RNF13: variants seen among roughly 807,000 people sequenced by gnomAD.
The protein encoded by RNF13 is E3 ubiquitin-protein ligase RNF13.
In RNF13, 19 loss-of-function variants were observed where a neutral mutation model predicts 37.7. The ratio of observed to expected loss-of-function variants is 0.50; its 90% CI spans 0.35 to 0.74. RNF13 has a LOEUF of 0.74. RNF13 is among the 30% of genes least tolerant of loss of function. RNF13 has a pLI of 0.01. For synonymous variants in RNF13, 144 were observed against 157.8 expected, an observed-to-expected ratio of 0.91 and a Z score of 0.65; for missense variants, 375 against 453.0, an observed-to-expected ratio of 0.83 and a Z score of 1.56.
intron 3 of RNF13, among the ~76,000 whole-genome samples, chr3:149,869,826 TTAC>T (rs1711806606): frequency 6.6e-6 from 1 of 151,918 alleles, no homozygotes; most frequent in Admixed American, 6.5e-5. Context: ...TACTGCTAGG[TTAC>T]TGCCTCCTTT....
chr3:149,895,985 G>A (rs1376508239), intron 5 of RNF13, among the ~76,000 whole-genome samples: 1 of 152,148 alleles, frequency 6.6e-6, no homozygotes, highest in African/African-American at 2.4e-5. Flanking sequence ...TTGGTTATTA[G>A]CCCTTCGTCA....
intron 3 of RNF13, among the ~76,000 whole-genome samples, chr3:149,861,226 G>C (rs921908581): frequency 2.0e-5 from 3 of 151,806 alleles, no homozygotes; most frequent in African/African-American, 7.3e-5. Flanking sequence ...AACTTAAAAG[G>C]GGGTGGGGGA....
At chr3:149,868,485 G>C (rs917503426) in intron 3 of RNF13, among the ~76,000 whole-genome samples, 1 of 151,358 alleles carries the variant, frequency 6.6e-6, no homozygotes, top group Non-Finnish European at 1.5e-5. Flanking sequence ...TGGTATTCTT[G>C]GATGATAGGT....
intron 1 of RNF13, among the ~76,000 whole-genome samples, chr3:149,817,767 T>A (rs867254484): frequency 1.3e-5 from 2 of 152,136 alleles, no homozygotes; most frequent in South Asian, 4.1e-4. Flanking sequence ...AGTTAATATA[T>A]GAAAAGGGTC....
At chr3:149,938,900 C>T (rs1719975225) in intron 8 of RNF13, 3 of 354,074 alleles carry the variant, frequency 8.5e-6, no homozygotes, top group Non-Finnish European at 1.6e-5. Context: ...GGAAAGTTCT[C>T]ACTGCATTAT....
chr3:149,833,744 A>G (rs1324965797), intron 1 of RNF13, among the ~76,000 whole-genome samples: 2 of 152,232 alleles, frequency 1.3e-5, no homozygotes, highest in Non-Finnish European at 2.9e-5. Flanking sequence ...TTATCTTGGC[A>G]CCAGAAGTCC....
intron 1 of RNF13, among the ~76,000 whole-genome samples, chr3:149,836,762 G>A (rs1351207881): frequency 6.6e-6 from 1 of 152,142 alleles, no homozygotes; most frequent in Non-Finnish European, 1.5e-5. Flanking sequence ...TGTCAATTGA[G>A]AGATGAATGG....
chr3:149,815,993 A>G (rs1215371568), intron 1 of RNF13, among the ~76,000 whole-genome samples: 1 of 152,046 alleles, frequency 6.6e-6, no homozygotes, highest in Non-Finnish European at 1.5e-5. Flanking sequence ...CCCGTGCTCA[A>G]GGGATCCTCC....
rs550363955 is a variant in RNF13 at position 149,837,654 on chromosome 3, A to G, written c.-16-8357A>G. Among the ~76,000 whole-genome samples the G allele has an allele frequency of 3.4e-4, 52 of 152,290 alleles. 1 individual carries two copies. The highest frequency in any genetic ancestry group is 1.2e-3 in the African/African-American group (51 of 41,558). ...GAGACTTATTCATTATCACGAGAAT[A>G]ACATGGGGAAGACCTGCCTCCATGA... On this transcript the variant is annotated intron_variant, in intron 1 of 9. Transcript: ENST00000392894.
At chr3:149,947,179 A>G (rs371008636) in intron 8 of RNF13, among the ~76,000 whole-genome samples, 2 of 152,242 alleles carry the variant, frequency 1.3e-5, no homozygotes, top group African/African-American at 4.8e-5. Flanking sequence ...TCGTGGTCTA[A>G]TATGTAGTCT....
chr3:149,825,642 C>A (rs1414573704), intron 1 of RNF13, among the ~76,000 whole-genome samples: 1 of 152,210 alleles, frequency 6.6e-6, no homozygotes, highest in Non-Finnish European at 1.5e-5. Context: ...ACCTGGTGTG[C>A]TGCAACCACA....
At chr3:149,913,866 C>T (rs184741660) in intron 7 of RNF13, among the ~76,000 whole-genome samples, 2 of 152,304 alleles carry the variant, frequency 1.3e-5, no homozygotes, top group East Asian at 3.9e-4. Flanking sequence ...AATTTCTCCA[C>T]TTATAAAGTT....
intron 7 of RNF13, among the ~76,000 whole-genome samples, chr3:149,914,042 A>G (rs1717252036): frequency 6.6e-6 from 1 of 152,186 alleles, no homozygotes; most frequent in South Asian, 2.1e-4. Flanking sequence ...TTTCATTAGT[A>G]TACACTCATG....
intron 3 of RNF13, among the ~76,000 whole-genome samples, chr3:149,864,208 A>G (rs191974596): frequency 5.0e-4 from 76 of 151,944 alleles, no homozygotes; most frequent in African/African-American, 1.8e-3. Context: ...TTCTGCTGTA[A>G]TGAATGAATT....
chr3:149,904,748 TCCTCTCCTTACCTTATAAGTAATAATTA>T (rs149128087), intron 6 of RNF13, among the ~76,000 whole-genome samples: 2,751 of 152,254 alleles, frequency 0.018, 93 homozygotes, highest in African/African-American at 0.062. Flanking sequence ...TCCATCTTGT[TCCTCTCCTTACCTTATAAGTAATAATTA>T]AAAAAAGACT....
intron 1 of RNF13, chr3:149,813,998 G>T (rs1719168482): frequency 6.6e-6 from 1 of 152,122 alleles, no homozygotes; most frequent in South Asian, 2.1e-4. Context: ...CTTTGGTGGC[G>T]GCCACTCAGT....
chr3:149,869,371 T>C lies in RNF13; in HGVS notation c.196-2658T>C, dbSNP rs567882628. 3.4e-3 allele frequency among the ~76,000 whole-genome samples: 513 copies of C among 151,900 alleles called. 5 individuals are homozygous for C. Among genetic ancestry groups the C allele is most frequent in the African/African-American group, 0.012 (491 of 41,546 alleles). ...CTGTAATCCCAGCACTTTGGGAGGC[T>C]GAGGCGGGCGGATCACAAGGTCAGG... On this transcript the variant is annotated intron_variant, in intron 3 of 9. Coordinates refer to ENST00000392894, the MANE Select transcript of RNF13 (RefSeq NM_183381.3).
At chr3:149,896,480 T>C (rs1303591755) in intron 5 of RNF13, among the ~76,000 whole-genome samples, 3 of 151,504 alleles carry the variant, frequency 2.0e-5, no homozygotes, top group Non-Finnish European at 2.9e-5. Context: ...GCCCTTCTTC[T>C]TTATTTTTTT....
chr3:149,837,429 G>A (rs923823062), intron 1 of RNF13, among the ~76,000 whole-genome samples: 3 of 152,068 alleles, frequency 2.0e-5, no homozygotes, highest in African/African-American at 7.2e-5. Context: ...TATTGTATTA[G>A]TCCTTTTTCA....
Sources: allele counts gnomAD v4.1 joint callset (sites outside exome capture counted in the v4.1 genomes callset), GRCh38; gene constraint gnomAD v4.1.1; transcripts MANE v1.5; gene names NCBI Gene and HGNC (gene_info 2026-07-23, HGNC 2026-07-21).